HELQ: variants seen among roughly 807,000 people sequenced by gnomAD.
HELQ encodes helicase POLQ-like.
A neutral mutation model predicts 111.6 loss-of-function variants in HELQ; 77 were observed. The ratio of observed to expected loss-of-function variants is 0.69; its 90% confidence interval spans 0.57 to 0.83. The LOEUF (loss-of-function observed/expected upper bound fraction) is 0.83. Among genes scored for constraint, HELQ ranks in the 40% least tolerant of loss-of-function variants. The pLI is 0.00. For missense variants in HELQ, 1,200 were observed against 1,288.5 expected (o/e 0.93, Z 1.05); for synonymous variants, 438 against 454.7 (o/e 0.96, Z 0.47).
At chr4:83,451,705 TTAGA>T (rs746422469) in intron 2 of HELQ, among the ~76,000 whole-genome samples, 4 of 150,400 alleles carry the variant, frequency 2.7e-5, no homozygotes, top group Non-Finnish European at 5.9e-5. Context: ...AAAAGATGAG[TTAGA>T]TAGAGCCTTG....
intron 12 of HELQ, among the ~76,000 whole-genome samples, chr4:83,428,839 T>C (rs1719983303): frequency 1.3e-5 from 2 of 152,108 alleles, no homozygotes. Context: ...ATATAAATGA[T>C]TATTTGTTTA....
At chr4:83,425,104 AC>A (rs1445063264) in intron 14 of HELQ, among the ~76,000 whole-genome samples, 1 of 151,200 alleles carries the variant, frequency 6.6e-6, no homozygotes, top group East Asian at 2.0e-4. Flanking sequence ...ACATGGTGAA[AC>A]CCTGTCTCTC....
chr4:83,411,321 T>G (rs949041348), intron 17 of HELQ, among the ~76,000 whole-genome samples: 1 of 150,792 alleles, frequency 6.6e-6, no homozygotes, highest in Non-Finnish European at 1.5e-5. Flanking sequence ...AATTTAGAGA[T>G]AGGGTCTCCC....
chr4:83,452,579 C>T (rs1721448322), intron 2 of HELQ, among the ~76,000 whole-genome samples: 1 of 152,106 alleles, frequency 6.6e-6, no homozygotes, highest in African/African-American at 2.4e-5. Context: ...ACCACAACAG[C>T]TAGGTTTTGG....
intron 8 of HELQ, among the ~76,000 whole-genome samples, chr4:83,439,634 T>C (rs1720665652): frequency 6.6e-6 from 1 of 152,224 alleles, no homozygotes; most frequent in African/African-American, 2.4e-5. Context: ...GTGCTGGGAT[T>C]ACAGGCATGA....
At chr4:83,415,300 T>G (rs959934740) in intron 17 of HELQ, among the ~76,000 whole-genome samples, 3 of 152,096 alleles carry the variant, frequency 2.0e-5, no homozygotes, top group African/African-American at 7.2e-5. Flanking sequence ...AGAGAAACCC[T>G]TGGGGGCAAT....
At chr4:83,412,118 T>C (rs889526597) in intron 17 of HELQ, among the ~76,000 whole-genome samples, 5 of 152,356 alleles carry the variant, frequency 3.3e-5, no homozygotes, top group Admixed American at 2.6e-4. Flanking sequence ...ATTAAGGAAC[T>C]GGCCACATAT....
chr4:83,425,055 G>A (rs1719773694), intron 14 of HELQ, among the ~76,000 whole-genome samples: 1 of 151,970 alleles, frequency 6.6e-6, no homozygotes, highest in African/African-American at 2.4e-5. Flanking sequence ...CGAGGCGGGT[G>A]GATCACCTGA....
chr4:83,407,740 C>T (rs549480888), intron 17 of HELQ, among the ~76,000 whole-genome samples, 180 bp from the exon 18 acceptor site: 2 of 152,270 alleles, frequency 1.3e-5, no homozygotes, highest in South Asian at 4.1e-4. Context: ...GAAGATGAGG[C>T]ATTTAGTTAA....
chr4:83,433,111 T>G (rs1720244983), intron 9 of HELQ, among the ~76,000 whole-genome samples: 1 of 151,998 alleles, frequency 6.6e-6, no homozygotes. Context: ...AAGTCTATAG[T>G]CAGTTAGTCA....
At chr4:83,423,728 T>A (rs1406315054) in intron 14 of HELQ, among the ~76,000 whole-genome samples, 4 of 152,118 alleles carry the variant, frequency 2.6e-5, no homozygotes, top group African/African-American at 9.7e-5. Flanking sequence ...CTGGCCAACA[T>A]GGTGAAACTC....
At chr4:83,434,232 G>A (rs1479989213) in intron 9 of HELQ, among the ~76,000 whole-genome samples, 2 of 147,388 alleles carry the variant, frequency 1.4e-5, no homozygotes, top group African/African-American at 5.0e-5. Flanking sequence ...TTAGCCAGGT[G>A]TGGTGGTGGG....
chr4:83,455,865 C>G, upstream of HELQ: 1 of 775,962 alleles, frequency 1.3e-6, no homozygotes, highest in Non-Finnish European at 2.1e-6. Flanking sequence ...TCTACCCTGT[C>G]CAATCATAAG....
At chr4:83,416,921 A>G in intron 16 of HELQ, 56 bp from the exon 17 acceptor site, 1 of 1,505,438 alleles carries the variant, frequency 6.6e-7, no homozygotes, top group South Asian at 1.3e-5. Context: ...AAAAAAGAAA[A>G]TTAAGCACTT....
At chr4:83,424,567 A>AT (rs1177037543) in intron 14 of HELQ, among the ~76,000 whole-genome samples, 3 of 150,916 alleles carry the variant, frequency 2.0e-5, no homozygotes, top group Middle Eastern at 3.5e-3. Context: ...GGCTCATGGA[A>AT]TTTTTTTTTG....
chr4:83,448,163 T>C (rs773308015), intron 3 of HELQ, among the ~76,000 whole-genome samples: 7 of 151,870 alleles, frequency 4.6e-5, no homozygotes, highest in Admixed American at 1.3e-4. Flanking sequence ...TGAGCAGAGA[T>C]TGTGCCACTG....
intron 13 of HELQ, among the ~76,000 whole-genome samples, chr4:83,426,633 A>C (rs960904536): frequency 7.9e-5 from 12 of 151,294 alleles, no homozygotes; most frequent in African/African-American, 2.9e-4. Context: ...GCATGATCTC[A>C]GCTTACTGCA....
chr4:83,430,418 C>T (rs1175316596), intron 11 of HELQ, among the ~76,000 whole-genome samples: 1 of 152,126 alleles, frequency 6.6e-6, no homozygotes, highest in South Asian at 2.1e-4. Context: ...CTCTCTCATT[C>T]CTATCTCCAT....
At chr4:83,430,179 AAC>A (rs1285158289) in intron 11 of HELQ, among the ~76,000 whole-genome samples, 1 of 151,924 alleles carries the variant, frequency 6.6e-6, no homozygotes, top group Non-Finnish European at 1.5e-5. Flanking sequence ...AGGAAAATAC[AAC>A]AGTTTCTGGG....
Sources: allele counts gnomAD v4.1 joint callset (sites outside exome capture counted in the v4.1 genomes callset), GRCh38; gene constraint gnomAD v4.1.1; transcripts MANE v1.5; gene names NCBI Gene and HGNC (gene_info 2026-07-23, HGNC 2026-07-21).